FGFR2: variants seen among roughly 807,000 people sequenced by gnomAD.
FGFR2 encodes fibroblast growth factor receptor 2, also known as BEK fibroblast growth factor receptor.
A neutral mutation model predicts 95.9 loss-of-function variants in FGFR2; 19 were observed. That is an observed-to-expected ratio of 0.20 (90% confidence interval 0.14 to 0.29). The LOEUF is 0.29. Among genes scored for constraint, FGFR2 ranks in the 10% least tolerant of loss-of-function variants. FGFR2 has a pLI of 1.00. For missense variants in FGFR2, 707 were observed against 1,056.9 expected, an observed-to-expected ratio of 0.67 and a Z score of 4.59; for synonymous variants, 392 against 393.3, an observed-to-expected ratio of 1.00 and a Z score of 0.04.
chr10:121,530,645 T>C (rs1223591522), intron 6 of FGFR2, among the ~76,000 whole-genome samples: 1 of 152,140 alleles, frequency 6.6e-6, no homozygotes, highest in Admixed American at 6.5e-5. Context: ...ACTGAGGTCT[T>C]TCGGTTTACA....
At chr10:121,583,534 T>C (rs895301276) in intron 2 of FGFR2, 1 of 152,304 alleles carries the variant, frequency 6.6e-6, no homozygotes, top group Admixed American at 6.5e-5. Flanking sequence ...GCAGTCAGGG[T>C]TAGCCTCTTT....
Position 121,483,753 on chromosome 10 carries a change from G to A in FGFR2, c.2246C>T (p.Thr749Met), listed in dbSNP as rs745947630. Residue 749 changes from threonine (T) to methionine (M), a missense_variant, in exon 17 of 18, where the codon ACG becomes ATG. This residue lies in a region of FGFR2 where 104 missense variants were observed against 214.2 expected (regional missense o/e 0.49). Transcript: ENST00000358487. ...CWHAVPSQRPTFKQLVEDLDR... is the reference protein window; with the variant it reads ...CWHAVPSQRPMFKQLVEDLDR... ...CAAGTCTTCTACCAACTGCTTGAAC[G>A]TTGGTCTCTGGGAGGGCACTGCATG... is the stretch of plus-strand genomic sequence containing the variant. The A allele has an allele frequency of 8.1e-6, 13 of 1,613,926 alleles. No homozygotes were observed. The highest frequency in any genetic ancestry group is 1.0e-5 in the Non-Finnish European group (12 of 1,180,004).
chr10:121,493,547 C>CT (rs1260453393), intron 13 of FGFR2, among the ~76,000 whole-genome samples: 1 of 152,222 alleles, frequency 6.6e-6, no homozygotes, highest in Non-Finnish European at 1.5e-5. Flanking sequence ...GATTTTCCTA[C>CT]TGCTCAGGCT....
At chr10:121,515,748 T>C (rs1280202923) in intron 8 of FGFR2, among the ~76,000 whole-genome samples, 1 of 151,526 alleles carries the variant, frequency 6.6e-6, no homozygotes, top group Admixed American at 6.6e-5. Context: ...TGCTTCAGTC[T>C]TACATGGGTA....
intron 5 of FGFR2, among the ~76,000 whole-genome samples, chr10:121,545,893 C>T (rs1854431007): frequency 6.6e-6 from 1 of 152,116 alleles, no homozygotes; most frequent in Non-Finnish European, 1.5e-5. Context: ...TGAGGGGCTC[C>T]AGGGGAACCT....
At chr10:121,489,097 A>T (rs997344724) in intron 13 of FGFR2, among the ~76,000 whole-genome samples, 3 of 151,420 alleles carry the variant, frequency 2.0e-5, no homozygotes, top group African/African-American at 7.3e-5. Flanking sequence ...TTTAACATGG[A>T]GTCTTGTCCT....
chr10:121,578,239 C>T (rs1860243865), intron 2 of FGFR2, among the ~76,000 whole-genome samples: 1 of 1,512 alleles, frequency 6.6e-4, no homozygotes. Flanking sequence ...CAAAGAACAT[C>T]ATGGCGCATT....
intron 5 of FGFR2, among the ~76,000 whole-genome samples, chr10:121,539,221 A>G (rs997162801): frequency 1.3e-5 from 2 of 152,234 alleles, no homozygotes; most frequent in African/African-American, 2.4e-5. Context: ...AGGGGCTCAT[A>G]GTTCTCAGAT....
At position 121,485,820 on chromosome 10, in the gene FGFR2, C is replaced by T. The variant is rs1476813324; in HGVS notation, c.2058-288G>A. On this transcript the variant is annotated intron_variant, in intron 15 of 17. Transcript: ENST00000358487. The surrounding 1 kb of genome is among the most constrained non-coding windows in gnomAD (Gnocchi z 4.2). ...TGTGGTGTTAGCAATGCAAGGATCT[C>T]AGTTTCTCAGTTTCAAAGCCTTTAC... is the stretch of plus-strand genomic sequence containing the variant. Among the ~76,000 whole-genome samples, 1 of 152,214 alleles carries T rather than the reference C, an allele frequency of 6.6e-6. No homozygotes were observed.
intron 13 of FGFR2, among the ~76,000 whole-genome samples, chr10:121,490,627 G>C (rs745942431): frequency 6.6e-6 from 1 of 152,028 alleles, no homozygotes; most frequent in Admixed American, 6.5e-5. Context: ...TATCACCACC[G>C]AAGCCTTTTA....
rs180956662 is a variant in FGFR2, at chr10:121,523,425, C to T, written c.749-3256G>A. Among the ~76,000 whole-genome samples the T allele has an allele frequency of 1.7e-4, 26 of 152,234 alleles. No individual in the cohort carries two copies. The East Asian group carries it at 4.8e-3, about 28-fold the overall frequency. The stretch of plus-strand genomic sequence containing the variant: ...GGACCTGTCCACAGCGGGCAGTGAC[C>T]GAGGTCTGATTTAATCCCAGCTGGC... On this transcript the variant is annotated intron_variant, in intron 6 of 17. Transcript: ENST00000358487.
chr10:121,538,583 C>G lies in FGFR2; in HGVS notation c.748+9G>C, dbSNP rs766625986. 4 of 1,614,180 alleles carry G rather than the reference C, an allele frequency of 2.5e-6. No individual in the cohort carries two copies. The Admixed American group carries it at 5.0e-5, about 20-fold the overall frequency. On this transcript the variant is annotated intron_variant, in intron 6 of 17. Transcript: ENST00000358487. Reference sequence around the variant, plus strand: ...TATGCAGCCGCCACACGAGGAGAGGCAAACTCACCCACAACATCCAGGTGG... The same window carrying G: ...TATGCAGCCGCCACACGAGGAGAGGGAAACTCACCCACAACATCCAGGTGG...
chr10:121,548,279 TG>T (rs1854852762), intron 5 of FGFR2, among the ~76,000 whole-genome samples: 46 of 77,970 alleles, frequency 5.9e-4, no homozygotes, highest in Middle Eastern at 0.018. Flanking sequence ...TTTTTTTTTT[TG>T]GTAAAGCAAA....
chr10:121,487,127 G>T (rs1278416981), intron 15 of FGFR2, among the ~76,000 whole-genome samples: 1 of 152,242 alleles, frequency 6.6e-6, no homozygotes, highest in Non-Finnish European at 1.5e-5. Flanking sequence ...GCTCTGGCAG[G>T]GGGAGGTCAG....
At chr10:121,567,806 T>C (rs1478289513) in intron 2 of FGFR2, among the ~76,000 whole-genome samples, 1 of 152,216 alleles carries the variant, frequency 6.6e-6, no homozygotes, top group Non-Finnish European at 1.5e-5. Context: ...TTTTGTGTGT[T>C]ACAAGGGCAG....
At chr10:121,538,984 T>G (rs1853281947) in intron 5 of FGFR2, among the ~76,000 whole-genome samples, 1 of 152,220 alleles carries the variant, frequency 6.6e-6, no homozygotes, top group Admixed American at 6.5e-5. Context: ...CATAATGGAT[T>G]TGAGGGCTCC....
At chr10:121,527,085 C>T (rs936311923) in intron 6 of FGFR2, 6 of 265,720 alleles carry the variant, frequency 2.3e-5, no homozygotes, top group Non-Finnish European at 3.5e-5. Context: ...TGTGCTTGCT[C>T]GATGAAGTGA....
chr10:121,489,175 C>T (rs111248809), intron 13 of FGFR2, among the ~76,000 whole-genome samples: 30 of 152,076 alleles, frequency 2.0e-4, no homozygotes, highest in Admixed American at 1.8e-3. Context: ...TGGGTTCAAG[C>T]GATTCTCCTG....
chr10:121,587,870 G>A (rs1445502714), intron 2 of FGFR2, among the ~76,000 whole-genome samples: 1 of 152,172 alleles, frequency 6.6e-6, no homozygotes, highest in Non-Finnish European at 1.5e-5. Flanking sequence ...ACTACCATTC[G>A]ACCCAGCAAT....
Sources: gnomAD v4.1 joint callset for allele counts (sites outside exome capture counted in the v4.1 genomes callset) on GRCh38, gnomAD v4.1.1 for gene constraint, gnomAD v4.1.1 regional missense constraint, Gnocchi (gnomAD v3.1) non-coding constraint, MANE v1.5 for transcripts, NCBI Gene and HGNC (gene_info 2026-07-23, HGNC 2026-07-21) for gene names.